The following EPHX4 variants were observed in gnomAD, a reference collection of about 807,000 sequenced individuals.
EPHX4 encodes epoxide hydrolase 4.
EPHX4 carries 31 observed loss-of-function variants against 44.9 expected under a neutral mutation model. That is an observed-to-expected ratio of 0.69 (90% confidence interval 0.52 to 0.93). The LOEUF (loss-of-function observed/expected upper bound fraction) is 0.93, where lower values mean the gene tolerates loss of function less well. Ranked by LOEUF, EPHX4 falls within the 40% of genes least tolerant of loss-of-function variation. The pLI is 0.00. For missense variants in EPHX4, 373 were observed against 438.1 expected (o/e 0.85, Z 1.33); for synonymous variants, 151 against 159.7 (o/e 0.95, Z 0.41).
chr1:92,053,785 G>T (rs755180349), intron 6 of EPHX4, among the ~76,000 whole-genome samples: 1 of 152,104 alleles, frequency 6.6e-6, no homozygotes, highest in Non-Finnish European at 1.5e-5. Flanking sequence ...GCTAGAACAG[G>T]GCTAGTTTTT....
intron 2 of EPHX4, among the ~76,000 whole-genome samples, chr1:92,037,295 C>T (rs1222165916): frequency 6.6e-6 from 1 of 152,168 alleles, no homozygotes; most frequent in Non-Finnish European, 1.5e-5. Context: ...TCGCATTTAT[C>T]ATCATTGCCT....
intron 6 of EPHX4, among the ~76,000 whole-genome samples, chr1:92,054,533 A>C (rs2101874564): frequency 6.6e-6 from 1 of 151,182 alleles, no homozygotes; most frequent in Middle Eastern, 3.4e-3. Flanking sequence ...GGTTGCAGTG[A>C]ACCGAGATCA....
chr1:92,036,726 A>T (rs761444783), intron 2 of EPHX4, among the ~76,000 whole-genome samples: 4 of 152,224 alleles, frequency 2.6e-5, no homozygotes, highest in Admixed American at 6.5e-5. Context: ...ACTCAGATAG[A>T]TCATATTGAA....
At chr1:92,053,665 G>A (rs144006934) in intron 6 of EPHX4, among the ~76,000 whole-genome samples, 1,996 of 152,244 alleles carry the variant, frequency 0.013, 20 homozygotes, top group Non-Finnish European at 0.021. Context: ...ATTGACAGGG[G>A]TTGGCAATGG....
chr1:92,039,426 T>C (rs1330602772), intron 2 of EPHX4, among the ~76,000 whole-genome samples: 1 of 152,168 alleles, frequency 6.6e-6, no homozygotes, highest in Non-Finnish European at 1.5e-5. Flanking sequence ...CAGAACTTTA[T>C]TGATTGGGTA....
chr1:92,030,492 G>GTGTGTGTGTGTGTGTGT (rs1557880299), intron 1 of EPHX4, among the ~76,000 whole-genome samples, 182 bp downstream of exon 1: 32 of 97,084 alleles, frequency 3.3e-4, no homozygotes, highest in African/African-American at 8.8e-4. Context: ...GTGTGAGAGA[G>GTGTGTGTGTGTGTGTGT]AGAGAGAGAG....
intron 2 of EPHX4, among the ~76,000 whole-genome samples, chr1:92,042,552 C>T (rs139301417): frequency 2.3e-4 from 35 of 151,786 alleles, no homozygotes; most frequent in Non-Finnish European, 4.3e-4. Context: ...AGGGAGACCC[C>T]GTGTCTACAA....
intron 5 of EPHX4, among the ~76,000 whole-genome samples, chr1:92,051,668 A>C (rs187401888): frequency 3.3e-4 from 50 of 152,208 alleles, no homozygotes; most frequent in Non-Finnish European, 4.4e-5. Flanking sequence ...TTCCTAACGC[A>C]TCCCATCAGG....
At chr1:92,035,704 C>A (rs980291749) in intron 2 of EPHX4, among the ~76,000 whole-genome samples, 3 of 152,132 alleles carry the variant, frequency 2.0e-5, no homozygotes, top group Non-Finnish European at 1.5e-5. Context: ...CTGCAACTAT[C>A]AACCCGTCAT....
intron 2 of EPHX4, among the ~76,000 whole-genome samples, chr1:92,037,755 G>A (rs373714857): frequency 2.5e-4 from 38 of 152,302 alleles, no homozygotes; most frequent in African/African-American, 8.4e-4. Flanking sequence ...CAATCACGGC[G>A]AAAGAGATTG....
At chr1:92,050,530 C>T (rs977424025) in intron 5 of EPHX4, 110 bp downstream of exon 5, 23 of 648,392 alleles carry the variant, frequency 3.5e-5, no homozygotes, top group Non-Finnish European at 4.4e-5. Context: ...ATTATTATAA[C>T]TTAAATGGTT....
At chr1:92,047,942 G>A (rs1688605242) in intron 4 of EPHX4, among the ~76,000 whole-genome samples, 1 of 152,168 alleles carries the variant, frequency 6.6e-6, no homozygotes, top group African/African-American at 2.4e-5. Flanking sequence ...AGTGATTAAA[G>A]ACCTGTGAAC....
At chr1:92,059,762 C>CAGACAA (rs1647448530) in intron 6 of EPHX4, among the ~76,000 whole-genome samples, 1 of 152,098 alleles carries the variant, frequency 6.6e-6, no homozygotes, top group Non-Finnish European at 1.5e-5. Flanking sequence ...AGGAATGACT[C>CAGACAA]TAACAAAAGA....
At chr1:92,062,009 A>C (rs1647507853) in intron 6 of EPHX4, among the ~76,000 whole-genome samples, 1 of 151,226 alleles carries the variant, frequency 6.6e-6, no homozygotes, top group Non-Finnish European at 1.5e-5. Flanking sequence ...GGAGTTTGAG[A>C]CCAGCCTGGT....
chr1:92,033,172 C>T (rs1424089989), intron 2 of EPHX4, among the ~76,000 whole-genome samples: 1 of 151,460 alleles, frequency 6.6e-6, no homozygotes, highest in African/African-American at 2.4e-5. Context: ...ACCTTGGCCT[C>T]CTAAAGTGCT....
chr1:92,060,433 C>A lies in EPHX4; in HGVS notation c.858-2622C>A, dbSNP rs528256811. On this transcript the variant is annotated intron_variant, in intron 6 of 6. Transcript: ENST00000370383. ...CTCTAGCCTGGGTGATACGTCAAGA[C>A]CCTGTCTCAAAAAAAAAAAATAGTT... Among the ~76,000 whole-genome samples the A allele has an allele frequency of 1.3e-4, 20 of 148,226 alleles. 1 individual carries two copies. In the East Asian group the frequency reaches 3.9e-3, roughly 29 times the overall value.
At chr1:92,045,778 T>A in intron 4 of EPHX4, 118 bp downstream of exon 4, 1 of 1,085,408 alleles carries the variant, frequency 9.2e-7, no homozygotes, top group Non-Finnish European at 1.4e-6. Context: ...ATTAAATGAC[T>A]AAACCATGAT....
chr1:92,050,119 AAAT>A lies in EPHX4; in HGVS notation c.605-192_605-190del, dbSNP rs527530181. On this transcript the variant is annotated intron_variant, in intron 4 of 6. Coordinates refer to ENST00000370383, the MANE Select transcript of EPHX4 (RefSeq NM_173567.5). ...GTCTCAAAAAAATAAAAAATAAAAA[AAAT>A]AATAAAGTGGTATAAATTTTGGAAA... 1.8e-3 allele frequency among the ~76,000 whole-genome samples: 275 copies of A among 152,220 alleles called. 2 individuals carry two copies. Among genetic ancestry groups the A allele is most frequent in the Middle Eastern group, 6.8e-3 (2 of 294 alleles).
chr1:92,045,267 G>C (rs2101870646), intron 3 of EPHX4, among the ~76,000 whole-genome samples: 1 of 151,802 alleles, frequency 6.6e-6, no homozygotes, highest in South Asian at 2.1e-4. Context: ...TTATAGGTGT[G>C]AGTCACCACA....
Sources: gnomAD v4.1 joint callset for allele counts (sites outside exome capture counted in the v4.1 genomes callset) on GRCh38, gnomAD v4.1.1 for gene constraint, MANE v1.5 for transcripts, NCBI Gene and HGNC (gene_info 2026-07-23, HGNC 2026-07-21) for gene names.